Variants in TBL1X observed in about 807,000 individuals in gnomAD.
TBL1X encodes transducin beta like 1 X-linked, also known as F-box-like/WD repeat-containing protein TBL1X.
TBL1X carries 10 observed loss-of-function variants against 50.7 expected under a neutral mutation model. The ratio of observed to expected loss-of-function variants is 0.20; its 90% CI spans 0.12 to 0.33. TBL1X has a LOEUF of 0.33. Among genes scored for constraint, TBL1X ranks in the 10% least tolerant of loss-of-function variants. The pLI is 1.00. For missense variants in TBL1X, 340 were observed against 504.4 expected (o/e 0.67, Z 3.12); for synonymous variants, 190 against 214.7 (o/e 0.88, Z 1.01).
At chrX:9,491,049 G>T (rs1418585153) in intron 1 of TBL1X, among the ~76,000 whole-genome samples, 4 of 108,745 alleles carry the variant, frequency 3.7e-5, no homozygotes, top group Non-Finnish European at 7.6e-5. Context: ...CTCAATCATA[G>T]CTCATTGCAG....
At chrX:9,568,249 T>C (rs999331457) in intron 2 of TBL1X, among the ~76,000 whole-genome samples, 1 of 110,730 alleles carries the variant, frequency 9.0e-6, no homozygotes, top group Non-Finnish European at 1.9e-5. Flanking sequence ...TGTGGCATTA[T>C]GTGTGTCTGT....
intron 13 of TBL1X, among the ~76,000 whole-genome samples, chrX:9,706,724 C>T (rs1020457698): frequency 9.0e-6 from 1 of 111,655 alleles, no homozygotes; most frequent in Non-Finnish European, 1.9e-5. Flanking sequence ...CTCCAGTCTG[C>T]TGGTAAACCC....
intron 5 of TBL1X, among the ~76,000 whole-genome samples, chrX:9,663,674 A>G (rs2082910948): frequency 9.2e-6 from 1 of 108,614 alleles, no homozygotes; most frequent in African/African-American, 3.4e-5. Flanking sequence ...GGCAGGAGAA[A>G]CGCTGGAACC....
intron 5 of TBL1X, among the ~76,000 whole-genome samples, chrX:9,664,377 G>A (rs898988972): frequency 1.8e-5 from 2 of 112,074 alleles, no homozygotes; most frequent in African/African-American, 6.5e-5. Context: ...AGGGCTGGGT[G>A]GGGGTACTCT....
At chrX:9,501,305 C>T (rs2082000138) in intron 1 of TBL1X, among the ~76,000 whole-genome samples, 1 of 111,947 alleles carries the variant, frequency 8.9e-6, no homozygotes, top group Admixed American at 9.5e-5. Context: ...GTTCTCTATT[C>T]CCATGTCACT....
intron 1 of TBL1X, among the ~76,000 whole-genome samples, chrX:9,492,881 GTGT>G (rs2081953041): frequency 1.8e-5 from 1 of 56,483 alleles, no homozygotes; most frequent in Non-Finnish European, 3.3e-5. Flanking sequence ...GTGTGTGTGT[GTGT>G]GTGTGTGTGT....
intron 1 of TBL1X, among the ~76,000 whole-genome samples, chrX:9,491,340 T>TATATATA (rs1569205608): frequency 3.8e-4 from 10 of 26,103 alleles, no homozygotes; most frequent in South Asian, 4.0e-3. Context: ...ATATATATAT[T>TATATATA]TTTTTTTTTT....
chrX:9,655,833 C>T (rs1337410810), intron 5 of TBL1X, among the ~76,000 whole-genome samples: 2 of 112,036 alleles, frequency 1.8e-5, no homozygotes, highest in African/African-American at 6.5e-5. Flanking sequence ...ATGGCTCGAG[C>T]TCTGATCCTC....
rs572743375 is a variant in TBL1X, at chrX:9,651,011, C to CTTT, written c.-42-2501_-42-2499dup. Among the ~76,000 whole-genome samples the CTTT allele has an allele frequency of 8.7e-4, 27 of 30,932 alleles. 1 individual carries two copies. Among genetic ancestry groups the CTTT allele is most frequent in the African/African-American group, 1.1e-3 (8 of 7,279 alleles). 26.9% of individuals were successfully genotyped at this position (30,932 alleles called of 115,157 possible). A position where few individuals can be genotyped will look rare whatever the true frequency, so the allele number is the denominator to read the frequency against. On this transcript the variant is annotated intron_variant, in intron 3 of 17. Transcript: ENST00000645353. ...TATATTGGGATTTGTAGCTGCCAGC[C>CTTT]TTTTTTTTTTTTTTTTTTTTTTTTT... is the stretch of plus-strand genomic sequence containing the variant.
At chrX:9,584,170 T>C (rs749491413) in intron 2 of TBL1X, among the ~76,000 whole-genome samples, 202 of 111,956 alleles carry the variant, frequency 1.8e-3, no homozygotes, top group Middle Eastern at 0.014. Context: ...GGGGAGCAGA[T>C]TGGCAAAAGA....
Position 9,670,289 on chromosome X carries a change from T to C in TBL1X, c.212-13754T>C, listed in dbSNP as rs188115682. 2.2e-3 allele frequency among the ~76,000 whole-genome samples: 241 copies of C among 110,798 alleles called. 1 individual carries two copies. The highest frequency in any genetic ancestry group is 7.2e-3 in the African/African-American group (220 of 30,421). The stretch of plus-strand genomic sequence containing the variant: ...GAACAACCGGTCCTGTGGCCCCCCC[T>C]ACTGAGGAATGACTCAGCATAAGAG... On this transcript the variant is annotated intron_variant, in intron 5 of 17. Coordinates refer to ENST00000645353, the MANE Select transcript of TBL1X (RefSeq NM_005647.4).
At chrX:9,621,765 C>A (rs976845485) in intron 2 of TBL1X, among the ~76,000 whole-genome samples, 1 of 111,926 alleles carries the variant, frequency 8.9e-6, no homozygotes, top group South Asian at 3.7e-4. Context: ...CAAATTAATA[C>A]AAATTTAATG....
At chrX:9,645,881 CCCAATTTGGGACATATCATA>C (rs765731638) in intron 3 of TBL1X, among the ~76,000 whole-genome samples, 178 of 111,982 alleles carry the variant, frequency 1.6e-3, no homozygotes, top group Non-Finnish European at 2.8e-3. Context: ...CCCCCTGCCA[CCCAATTTGGGACATATCATA>C]AATATCTTTC....
intron 14 of TBL1X, 26 bp downstream of exon 14, chrX:9,709,348 G>T: frequency 5.0e-6 from 6 of 1,204,317 alleles, no homozygotes; most frequent in Non-Finnish European, 4.5e-6. Context: ...CAAGGGGTGG[G>T]CTGTTTAATC....
At chrX:9,564,974 T>C (rs1217000599) in intron 2 of TBL1X, among the ~76,000 whole-genome samples, 1 of 107,566 alleles carries the variant, frequency 9.3e-6, no homozygotes, top group Non-Finnish European at 1.9e-5. Context: ...AAAAGTATAC[T>C]AAAAAAAAAT....
chrX:9,483,512 G>A (rs536233021), intron 1 of TBL1X, among the ~76,000 whole-genome samples: 1 of 111,899 alleles, frequency 8.9e-6, no homozygotes. Context: ...GTTCCCTGAA[G>A]AACCAGTGCC....
chrX:9,657,800 G>A (rs969483064), intron 5 of TBL1X, among the ~76,000 whole-genome samples: 2 of 112,574 alleles, frequency 1.8e-5, no homozygotes, highest in African/African-American at 6.5e-5. Flanking sequence ...ACTGGTTAAA[G>A]CAAGAATGTT....
At chrX:9,612,609 G>A (rs1326528390) in intron 2 of TBL1X, among the ~76,000 whole-genome samples, 1 of 111,385 alleles carries the variant, frequency 9.0e-6, no homozygotes, top group Non-Finnish European at 1.9e-5. Context: ...AAAATTATCC[G>A]CAAGATATTT....
chrX:9,634,533 A>T (rs1334439754), intron 2 of TBL1X, among the ~76,000 whole-genome samples: 1 of 111,411 alleles, frequency 9.0e-6, no homozygotes, highest in African/African-American at 3.3e-5. Context: ...TTATTATTTA[A>T]TAGAGATGGG....
Sources: gnomAD v4.1 joint callset for allele counts (sites outside exome capture counted in the v4.1 genomes callset) on GRCh38, gnomAD v4.1.1 for gene constraint, MANE v1.5 for transcripts, NCBI Gene and HGNC (gene_info 2026-07-23, HGNC 2026-07-21) for gene names.